The following SGCZ variants were observed in gnomAD, a reference collection of about 807,000 sequenced individuals.
SGCZ encodes the protein zeta-sarcoglycan.
A neutral mutation model predicts 41.3 loss-of-function variants in SGCZ; 40 were observed. That is an observed-to-expected ratio of 0.97 (90% CI 0.75 to 1.26). The LOEUF (loss-of-function observed/expected upper bound fraction) is 1.26, where lower values mean the gene tolerates loss of function less well. Among genes scored for constraint, SGCZ ranks in the 50% most tolerant of loss-of-function variants. SGCZ has a pLI of 0.00. For missense variants in SGCZ, 552 were observed against 369.8 expected (o/e 1.49, Z -4.04); for synonymous variants, 206 against 137.5 (o/e 1.50, Z -3.49).
chr8:14,760,025 G>T (rs1285132911), intron 1 of SGCZ, among the ~76,000 whole-genome samples: 2 of 152,154 alleles, frequency 1.3e-5, no homozygotes, highest in African/African-American at 2.4e-5. Flanking sequence ...ATAACAGAGT[G>T]TTAGGTCTAT....
At chr8:14,385,753 A>G (rs1005001826) in intron 2 of SGCZ, among the ~76,000 whole-genome samples, 3 of 152,230 alleles carry the variant, frequency 2.0e-5, no homozygotes, top group Non-Finnish European at 4.4e-5. Context: ...ACAAAAAAAC[A>G]AAATCCAGGA....
intron 3 of SGCZ, among the ~76,000 whole-genome samples, chr8:14,256,415 C>A (rs926257337): frequency 6.6e-6 from 1 of 152,120 alleles, no homozygotes; most frequent in African/African-American, 2.4e-5. Flanking sequence ...TGTTAGCACT[C>A]TGATCTATCA....
intron 1 of SGCZ, among the ~76,000 whole-genome samples, chr8:14,971,383 T>C (rs7388469): frequency 0.5 from 75,816 of 151,882 alleles, 19,226 homozygotes; most frequent in Non-Finnish European, 0.51. Context: ...TCTTTCATCT[T>C]TAAGTATGAT....
At chr8:15,044,035 T>A (rs1804208820) in intron 1 of SGCZ, among the ~76,000 whole-genome samples, 1 of 152,176 alleles carries the variant, frequency 6.6e-6, no homozygotes, top group African/African-American at 2.4e-5. Flanking sequence ...TATATTGCCA[T>A]GCTTTCCTGC....
At chr8:14,883,344 AC>A (rs751116636) in intron 1 of SGCZ, among the ~76,000 whole-genome samples, 1 of 151,840 alleles carries the variant, frequency 6.6e-6, no homozygotes, top group Non-Finnish European at 1.5e-5. Flanking sequence ...GTTTGGTGTT[AC>A]TCCAGGGCAA....
intron 2 of SGCZ, among the ~76,000 whole-genome samples, chr8:14,364,221 A>C (rs993366896): frequency 6.6e-6 from 1 of 152,196 alleles, no homozygotes; most frequent in South Asian, 2.1e-4. Flanking sequence ...TAGAGCTTTT[A>C]ATGTTATGTA....
chr8:15,190,211 C>CT (rs1334321340), intron 1 of SGCZ, among the ~76,000 whole-genome samples: 2 of 152,134 alleles, frequency 1.3e-5, no homozygotes. Flanking sequence ...TTTTATATCC[C>CT]TTATGGTAAA....
At chr8:14,808,086 T>G (rs984330240) in intron 1 of SGCZ, among the ~76,000 whole-genome samples, 5 of 152,120 alleles carry the variant, frequency 3.3e-5, no homozygotes, top group African/African-American at 1.2e-4. Context: ...TAATTCAAGA[T>G]GGATTAAAGA....
At chr8:14,244,247 C>T (rs563194838) in intron 3 of SGCZ, among the ~76,000 whole-genome samples, 153 of 150,998 alleles carry the variant, frequency 1.0e-3, no homozygotes, top group African/African-American at 3.6e-3. Context: ...CTTCTTCCTC[C>T]TCCTTCTCTT....
chr8:14,673,904 T>C (rs61694075), intron 1 of SGCZ, among the ~76,000 whole-genome samples: 6,516 of 152,212 alleles, frequency 0.043, 479 homozygotes, highest in African/African-American at 0.15. Flanking sequence ...AATATATTCA[T>C]TTTTATTTTA....
At position 14,575,913 on chromosome 8, in the gene SGCZ, C is replaced by CAAAAAA. The variant is rs66656586; in HGVS notation, c.40-20993_40-20988dup. Among the ~76,000 whole-genome samples the CAAAAAA allele has an allele frequency of 3.2e-3, 322 of 99,990 alleles. 1 individual carries two copies. The highest frequency in any genetic ancestry group is 7.3e-3 in the East Asian group (25 of 3,424). 65.6% of individuals were successfully genotyped at this position (99,990 alleles called of 152,430 possible). A position where few individuals can be genotyped will look rare whatever the true frequency, so the allele number is the denominator to read the frequency against. ...AGAGTGAGACCCTGTCTCAAAATAA[C>CAAAAAA]AAAAAAAAAAAAAAAAAAAAAAGAA... On this transcript the variant is annotated intron_variant, in intron 1 of 7. Transcript: ENST00000382080.
intron 1 of SGCZ, among the ~76,000 whole-genome samples, chr8:15,093,109 G>C (rs1428784454): frequency 1.3e-5 from 2 of 152,110 alleles, no homozygotes; most frequent in African/African-American, 4.8e-5. Context: ...TAGTCCATCA[G>C]CTGCAGCCAT....
At chr8:14,593,172 T>C (rs1174776693) in intron 1 of SGCZ, among the ~76,000 whole-genome samples, 1 of 152,148 alleles carries the variant, frequency 6.6e-6, no homozygotes, top group African/African-American at 2.4e-5. Flanking sequence ...TAGATGTGAA[T>C]AAATTAGATA....
intron 1 of SGCZ, among the ~76,000 whole-genome samples, chr8:14,765,339 A>C (rs1381760211): frequency 6.6e-6 from 1 of 152,238 alleles, no homozygotes; most frequent in Non-Finnish European, 1.5e-5. Flanking sequence ...TCACATTTTA[A>C]ATTACTGTCA....
intron 2 of SGCZ, among the ~76,000 whole-genome samples, chr8:14,473,897 C>G (rs547676123): frequency 2.0e-5 from 3 of 148,920 alleles, no homozygotes; most frequent in Non-Finnish European, 3.0e-5. Flanking sequence ...AAGATCACAC[C>G]ACTGCACTCC....
intron 1 of SGCZ, among the ~76,000 whole-genome samples, chr8:14,733,535 T>G (rs1326677187): frequency 6.6e-6 from 1 of 152,176 alleles, no homozygotes; most frequent in Non-Finnish European, 1.5e-5. Context: ...AGAAGAAAAA[T>G]CCACTACTAT....
chr8:14,968,614 T>C (rs1193772562), intron 1 of SGCZ, among the ~76,000 whole-genome samples: 2 of 152,102 alleles, frequency 1.3e-5, no homozygotes, highest in Non-Finnish European at 2.9e-5. Context: ...TGTGTACAGA[T>C]GATTGAGAAA....
intron 6 of SGCZ, among the ~76,000 whole-genome samples, chr8:14,105,056 A>AAAAC (rs1188136189): frequency 6.6e-5 from 10 of 152,250 alleles, no homozygotes; most frequent in Middle Eastern, 3.4e-3. Flanking sequence ...GTAAGAAATA[A>AAAAC]AAACAAACAT....
At chr8:14,118,980 T>C (rs990840063) in intron 5 of SGCZ, among the ~76,000 whole-genome samples, 3 of 152,186 alleles carry the variant, frequency 2.0e-5, no homozygotes, top group African/African-American at 4.8e-5. Flanking sequence ...TATTATAGTT[T>C]GAAGTCTGGT....
Sources: gnomAD v4.1 joint callset for allele counts (sites outside exome capture counted in the v4.1 genomes callset) on GRCh38, gnomAD v4.1.1 for gene constraint, MANE v1.5 for transcripts, NCBI Gene and HGNC (gene_info 2026-07-23, HGNC 2026-07-21) for gene names.